Variants in WDR64 observed in about 807,000 individuals in gnomAD.
WDR64 encodes the protein WD repeat-containing protein 64.
A neutral mutation model predicts 139.3 loss-of-function variants in WDR64; 112 were observed. The observed-to-expected ratio is 0.80, with a 90% CI of 0.69 to 0.94. The LOEUF (loss-of-function observed/expected upper bound fraction) is 0.94. WDR64 is among the 40% of genes least tolerant of loss of function. The pLI is 0.00. For synonymous variants in WDR64, 444 were observed against 437.7 expected (o/e 1.01, Z -0.18); for missense variants, 1,206 against 1,293.1 (o/e 0.93, Z 1.03).
chr1:241,771,945 CATATATATATATATAT>C (rs57383177), intron 19 of WDR64, among the ~76,000 whole-genome samples: 32 of 62,366 alleles, frequency 5.1e-4, no homozygotes, highest in East Asian at 3.3e-3. Context: ...TACATACATA[CATATATATATATATAT>C]ATATATATAT....
intron 8 of WDR64, among the ~76,000 whole-genome samples, chr1:241,688,450 T>C (rs1185856835): frequency 2.6e-5 from 4 of 152,184 alleles, no homozygotes; most frequent in African/African-American, 7.2e-5. Flanking sequence ...ATGATACCTA[T>C]TGGGGTATTA....
In WDR64 at chr1:241,787,906, T is replaced by C; in HGVS notation, c.2763T>C (p.Phe921=). The change falls in exon 24 of 28, where the codon TTT becomes TTC. Residue 921 remains phenylalanine (F), a synonymous_variant. Coordinates refer to ENST00000437684, the MANE Select transcript of WDR64 (RefSeq NM_001367482.1). Reference sequence around the variant, plus strand: ...GATATTTTGGACAGCGAAGGCTCTTTGAATTATCACAGACAAGAGATTTCA... The same window carrying C: ...GATATTTTGGACAGCGAAGGCTCTTCGAATTATCACAGACAAGAGATTTCA... ...YCGYFGQRRL[F]ELSQTRDFIL... is the part of the protein sequence containing the mutation. 2 of 1,612,636 alleles carry C rather than the reference T, an allele frequency of 1.2e-6. No homozygotes were observed. The highest frequency in any genetic ancestry group is 1.7e-6 in the Non-Finnish European group (2 of 1,179,502).
intron 8 of WDR64, among the ~76,000 whole-genome samples, chr1:241,690,709 A>G (rs1667187593): frequency 6.6e-6 from 1 of 152,180 alleles, no homozygotes. Flanking sequence ...GAAATATGCT[A>G]TCAGTATACC....
intron 7 of WDR64, among the ~76,000 whole-genome samples, chr1:241,684,343 C>G (rs1424265405): frequency 6.6e-6 from 1 of 152,138 alleles, no homozygotes; most frequent in South Asian, 2.1e-4. Flanking sequence ...AAATGGTCAA[C>G]AAACATTTCA....
At chr1:241,797,036 G>A (rs1257226447) in intron 27 of WDR64, among the ~76,000 whole-genome samples, 2 of 152,192 alleles carry the variant, frequency 1.3e-5, no homozygotes, top group African/African-American at 4.8e-5. Context: ...TGTACCTACA[G>A]AGTAAAGCCA....
chr1:241,744,162 G>T (rs922853261), intron 12 of WDR64, among the ~76,000 whole-genome samples: 3 of 152,212 alleles, frequency 2.0e-5, no homozygotes, highest in Non-Finnish European at 4.4e-5. Context: ...GCCTGGAATA[G>T]AGTCCCTGCC....
chr1:241,733,859 A>G (rs747822733), intron 10 of WDR64, among the ~76,000 whole-genome samples: 7 of 151,976 alleles, frequency 4.6e-5, no homozygotes, highest in Non-Finnish European at 7.4e-5. Flanking sequence ...AAACCCCCTC[A>G]GTGCTGACCT....
At chr1:241,663,506 C>T (rs557381859) in intron 2 of WDR64, among the ~76,000 whole-genome samples, 2 of 152,348 alleles carry the variant, frequency 1.3e-5, no homozygotes, top group South Asian at 2.1e-4. Context: ...GGATAAGAGG[C>T]TTCACAGGCC....
chr1:241,795,241 A>C lies in WDR64; in HGVS notation c.3032A>C (p.Glu1011Ala). Residue 1011 changes from glutamate (E) to alanine (A), a missense_variant, in exon 26 of 28, where the codon GAA becomes GCA. By Grantham distance (107) the Glu-to-Ala change is moderately radical. Transcript: ENST00000437684. ...TATCCCTTGGAAGGTTTCGTGACTG[A>C]AAACAGAGAGGCAGGGATTGTTTTC... Reference protein sequence around the residue: ...RRYPLEGFVTENREAGIVFGS... With the variant: ...RRYPLEGFVTANREAGIVFGS... 3.1e-6 allele frequency: 5 copies of C among 1,613,924 alleles called. No individual in the cohort carries two copies. Among genetic ancestry groups the C allele is most frequent in the Non-Finnish European group, 4.2e-6 (5 of 1,179,916 alleles).
At chr1:241,682,618 T>G (rs1666851196) in intron 6 of WDR64, among the ~76,000 whole-genome samples, 2 of 152,246 alleles carry the variant, frequency 1.3e-5, no homozygotes, top group Admixed American at 6.5e-5. Context: ...AGGCTCTCTT[T>G]TGGCTCCATA....
At chr1:241,790,921 AGTTT>A (rs1463330270) in intron 25 of WDR64, among the ~76,000 whole-genome samples, 13 of 152,082 alleles carry the variant, frequency 8.5e-5, no homozygotes, top group Non-Finnish European at 1.6e-4. Flanking sequence ...ACCTGAGCTG[AGTTT>A]CTTTCTGAAG....
Position 241,665,364 on chromosome 1 carries a change from A to G in WDR64, c.276+4704A>G, listed in dbSNP as rs550608283. ...CCATCATCTGTAAAATGGAAATTCA[A>G]TTCGAGGAGACTAACTTCATTTCAG... On this transcript the variant is annotated intron_variant, in intron 2 of 27. Coordinates refer to ENST00000437684, the MANE Select transcript of WDR64 (RefSeq NM_001367482.1). Among the ~76,000 whole-genome samples the G allele has an allele frequency of 1.9e-3, 286 of 152,340 alleles. 1 individual carries two copies. Among genetic ancestry groups the G allele is most frequent in the Non-Finnish European group, 1.3e-3 (87 of 68,036 alleles).
intron 23 of WDR64, among the ~76,000 whole-genome samples, chr1:241,784,588 G>A (rs186436468): frequency 8.5e-5 from 13 of 152,272 alleles, no homozygotes; most frequent in Admixed American, 5.9e-4. Context: ...GCTTTAGAAC[G>A]TTGAATTCAA....
At chr1:241,688,161 A>G (rs1390580652) in intron 8 of WDR64, among the ~76,000 whole-genome samples, 1 of 152,198 alleles carries the variant, frequency 6.6e-6, no homozygotes, top group East Asian at 1.9e-4. Flanking sequence ...ATTAAGCTGA[A>G]TAACAGACGC....
At chr1:241,763,998 G>C (rs1223042814) in intron 15 of WDR64, among the ~76,000 whole-genome samples, 1 of 152,150 alleles carries the variant, frequency 6.6e-6, no homozygotes, top group Non-Finnish European at 1.5e-5. Context: ...GTTTCTAGAG[G>C]ATAGTGAAAA....
At position 241,772,451 on chromosome 1, in the gene WDR64, C is replaced by CTTTTTTTTTTTTTTT. The variant is rs534177884; in HGVS notation, c.2291-326_2291-312dup. Among the ~76,000 whole-genome samples the CTTTTTTTTTTTTTTT allele has an allele frequency of 1.5e-3, 89 of 59,054 alleles. 21 individuals are homozygous for CTTTTTTTTTTTTTTT. The highest frequency in any genetic ancestry group is 1.8e-3 in the Non-Finnish European group (59 of 33,488). 38.7% of individuals were successfully genotyped at this position (59,054 alleles called of 152,430 possible). On this transcript the variant is annotated intron_variant, in intron 19 of 27. Coordinates refer to ENST00000437684, the MANE Select transcript of WDR64 (RefSeq NM_001367482.1). ...AGTATTGCAAATTCCAAGATAGATC[C>CTTTTTTTTTTTTTTT]TTTTTTTTTTTTTTTTTTTTTTTTT... is the stretch of plus-strand genomic sequence containing the variant.
intron 11 of WDR64, among the ~76,000 whole-genome samples, chr1:241,739,576 G>A (rs193082552): frequency 6.6e-6 from 1 of 152,104 alleles, no homozygotes; most frequent in African/African-American, 2.4e-5. Context: ...ACATAATAAT[G>A]ACTATAAGCA....
intron 5 of WDR64, among the ~76,000 whole-genome samples, chr1:241,678,478 G>A (rs1019516834): frequency 2.0e-5 from 3 of 152,140 alleles, no homozygotes; most frequent in African/African-American, 7.2e-5. Context: ...CAATTTAAAA[G>A]CTTCTGAGTT....
intron 8 of WDR64, among the ~76,000 whole-genome samples, chr1:241,698,653 C>T (rs191850553): frequency 6.6e-6 from 1 of 152,182 alleles, no homozygotes; most frequent in Admixed American, 6.5e-5. Flanking sequence ...GAACTTTGTA[C>T]ATATTTTGAG....
Sources: allele counts gnomAD v4.1 joint callset (sites outside exome capture counted in the v4.1 genomes callset), GRCh38; gene constraint gnomAD v4.1.1; transcripts MANE v1.5; gene names NCBI Gene and HGNC (gene_info 2026-07-23, HGNC 2026-07-21).